GABRB3: variants seen among roughly 807,000 people sequenced by gnomAD.
The protein encoded by GABRB3 is gamma-aminobutyric acid receptor subunit beta-3.
GABRB3 carries 14 observed loss-of-function variants against 52.1 expected under a neutral mutation model. The observed-to-expected ratio is 0.27, with a 90% CI of 0.18 to 0.42. GABRB3 has a LOEUF of 0.42. Ranked by LOEUF, GABRB3 falls within the 10% of genes least tolerant of loss-of-function variation. GABRB3 has a pLI of 1.00. For missense variants in GABRB3, 307 were observed against 609.1 expected (o/e 0.50, Z 5.22); for synonymous variants, 260 against 232.3 (o/e 1.12, Z -1.08).
intron 3 of GABRB3, among the ~76,000 whole-genome samples, chr15:26,652,099 C>G (rs1317658480): frequency 6.6e-6 from 1 of 152,170 alleles, no homozygotes; most frequent in Non-Finnish European, 1.5e-5. Context: ...GCCTTAGCCC[C>G]ACAACCCCCT....
chr15:26,652,125 A>C (rs1367766361), intron 3 of GABRB3, among the ~76,000 whole-genome samples: 1 of 152,204 alleles, frequency 6.6e-6, no homozygotes, highest in Non-Finnish European at 1.5e-5. Flanking sequence ...TAACTCAGGC[A>C]TTCCTTTCCA....
intron 3 of GABRB3, among the ~76,000 whole-genome samples, chr15:26,678,067 G>A (rs541209453): frequency 2.6e-5 from 4 of 152,278 alleles, no homozygotes; most frequent in East Asian, 1.9e-4. Flanking sequence ...AGTGGGTGTC[G>A]CACCAAAGAA....
intron 3 of GABRB3, among the ~76,000 whole-genome samples, chr15:26,653,899 A>G (rs947863775): frequency 6.6e-6 from 1 of 152,158 alleles, no homozygotes; most frequent in Non-Finnish European, 1.5e-5. Context: ...TCCTTTTTTC[A>G]AGGCTCATGG....
intron 4 of GABRB3, among the ~76,000 whole-genome samples, chr15:26,604,737 CT>C (rs71130259): frequency 0.31 from 47,215 of 151,998 alleles, 8,259 homozygotes; most frequent in East Asian, 0.79. Flanking sequence ...AACTTGACCC[CT>C]ATCTCGCACC....
chr15:26,628,847 G>T, intron 3 of GABRB3: 1 of 938,816 alleles, frequency 1.1e-6, no homozygotes, highest in Non-Finnish European at 1.6e-6. Flanking sequence ...GCCAGCAGAG[G>T]CCTGAAACGG....
chr15:26,629,229 G>A (rs908150257), intron 3 of GABRB3: 20 of 1,405,778 alleles, frequency 1.4e-5, no homozygotes, highest in Middle Eastern at 2.5e-4. Flanking sequence ...GGCCTGGAAA[G>A]GAGGGCAGCG....
intron 3 of GABRB3, among the ~76,000 whole-genome samples, chr15:26,733,030 A>C (rs150479870): frequency 6.6e-6 from 1 of 151,430 alleles, no homozygotes; most frequent in African/African-American, 2.4e-5. Flanking sequence ...TATATGAAAA[A>C]CTCACAGTGA....
intron 8 of GABRB3, among the ~76,000 whole-genome samples, chr15:26,554,549 C>T (rs932926683): frequency 5.3e-5 from 8 of 151,996 alleles, no homozygotes; most frequent in African/African-American, 1.9e-4. Flanking sequence ...ATAAAGATGA[C>T]ATTTATAAGC....
At chr15:26,616,555 A>G (rs914289323) in intron 4 of GABRB3, among the ~76,000 whole-genome samples, 3 of 151,958 alleles carry the variant, frequency 2.0e-5, no homozygotes, top group Admixed American at 1.3e-4. Flanking sequence ...TGTTTCAAAA[A>G]TCTGATGCTC....
chr15:26,642,765 T>A (rs1382187522), intron 3 of GABRB3, among the ~76,000 whole-genome samples: 1 of 152,166 alleles, frequency 6.6e-6, no homozygotes, highest in Non-Finnish European at 1.5e-5. Context: ...CAGATGAACA[T>A]TTATTAAATG....
At chr15:26,714,775 T>C (rs1418934483) in intron 3 of GABRB3, among the ~76,000 whole-genome samples, 1 of 152,176 alleles carries the variant, frequency 6.6e-6, no homozygotes, top group Non-Finnish European at 1.5e-5. Flanking sequence ...CACTATCTAT[T>C]ATTATTTTCA....
At chr15:26,718,375 A>G (rs189914171) in intron 3 of GABRB3, among the ~76,000 whole-genome samples, 65 of 152,190 alleles carry the variant, frequency 4.3e-4, no homozygotes, top group Admixed American at 1.8e-3. Flanking sequence ...AAGCCCGGCT[A>G]ATTTTGCATT....
intron 5 of GABRB3, 55 bp from the exon 6 acceptor site, chr15:26,580,511 G>A (rs898163235): frequency 5.0e-6 from 8 of 1,607,742 alleles, no homozygotes; most frequent in South Asian, 4.4e-5. Flanking sequence ...ATAAATGCAC[G>A]GCTAAATAAA....
intron 3 of GABRB3, among the ~76,000 whole-genome samples, chr15:26,649,128 C>T (rs8043511): frequency 0.12 from 17,957 of 152,078 alleles, 1,207 homozygotes; most frequent in Admixed American, 0.2. Flanking sequence ...AGCATTGCTA[C>T]GATATGCGTG....
intron 3 of GABRB3, among the ~76,000 whole-genome samples, chr15:26,641,652 G>A (rs1443800677): frequency 6.6e-6 from 1 of 152,170 alleles, no homozygotes; most frequent in Non-Finnish European, 1.5e-5. Flanking sequence ...CTGCCTGTGG[G>A]CCACACTTAC....
intron 4 of GABRB3, among the ~76,000 whole-genome samples, chr15:26,602,033 CACAT>C (rs1891607305): frequency 6.6e-6 from 1 of 152,068 alleles, no homozygotes; most frequent in Non-Finnish European, 1.5e-5. Flanking sequence ...ATTATAAAGA[CACAT>C]ACAGACTGAA....
intron 3 of GABRB3, among the ~76,000 whole-genome samples, chr15:26,722,832 C>A (rs1889678824): frequency 6.6e-6 from 1 of 152,154 alleles, no homozygotes; most frequent in Non-Finnish European, 1.5e-5. Context: ...GCTCCCCGTG[C>A]CATAGCCAAG....
At chr15:26,769,656 C>T (rs1276335193) in intron 3 of GABRB3, among the ~76,000 whole-genome samples, 2 of 152,130 alleles carry the variant, frequency 1.3e-5, no homozygotes, top group African/African-American at 2.4e-5. Flanking sequence ...TTCAAGTAAG[C>T]CAGTCAGAAT....
chr15:26,621,897 A>T lies in GABRB3; in HGVS notation c.241-363T>A, dbSNP rs1892497886. 6.6e-6 allele frequency among the ~76,000 whole-genome samples: 1 copy of T among 152,134 alleles called. No homozygotes were observed. The highest frequency in any genetic ancestry group is 2.1e-4 in the South Asian group (1 of 4,828). On this transcript the variant is annotated intron_variant, in intron 3 of 8. Transcript: ENST00000311550. This position sits in a 1 kb window ranked among gnomAD's most constrained non-coding sequence, Gnocchi z 4.1. ...TGTTCCCATGGATGTTCTCTTTCCC[A>T]CCAGGCAGACAGGTGCTTTAACAAC...
Sources: gnomAD v4.1 joint callset for allele counts (sites outside exome capture counted in the v4.1 genomes callset) on GRCh38, gnomAD v4.1.1 for gene constraint, Gnocchi (gnomAD v3.1) non-coding constraint, MANE v1.5 for transcripts, NCBI Gene and HGNC (gene_info 2026-07-23, HGNC 2026-07-21) for gene names.